The following KAZN variants were observed in gnomAD, a reference collection of about 807,000 sequenced individuals.
KAZN encodes kazrin, periplakin interacting protein.
In KAZN, 40 loss-of-function variants were observed where a neutral mutation model predicts 87.4. The observed-to-expected ratio is 0.46, with a 90% CI of 0.36 to 0.60. The LOEUF (loss-of-function observed/expected upper bound fraction) is 0.60, where lower values mean the gene tolerates loss of function less well. Among genes scored for constraint, KAZN ranks in the 20% least tolerant of loss-of-function variants. The probability of loss-of-function intolerance (pLI) is 0.00; values close to 1 mark genes in which losing one functional copy is unlikely to be tolerated. For missense variants in KAZN, 898 were observed against 1,073.9 expected (o/e 0.84, Z 2.29); for synonymous variants, 466 against 458.3 (o/e 1.02, Z -0.22).
At chr1:14,185,497 CT>C (rs1206288531) in intron 2 of KAZN, among the ~76,000 whole-genome samples, 1 of 152,188 alleles carries the variant, frequency 6.6e-6, no homozygotes, top group Non-Finnish European at 1.5e-5. Flanking sequence ...ATTACGCATC[CT>C]TTCCTGCGAG....
intron 2 of KAZN, among the ~76,000 whole-genome samples, chr1:15,007,805 C>T (rs1377643615): frequency 6.6e-6 from 1 of 152,214 alleles, no homozygotes; most frequent in Non-Finnish European, 1.5e-5. Context: ...ACCTGAATGC[C>T]ACCGCCCATT....
At chr1:14,195,508 G>A (rs1424508940) in intron 2 of KAZN, among the ~76,000 whole-genome samples, 5 of 54,050 alleles carry the variant, frequency 9.3e-5, no homozygotes, top group Admixed American at 2.5e-4. Context: ...TTACAAAAAC[G>A]GCTCACACAC....
chr1:14,983,201 T>C, intron 2 of KAZN, among the ~76,000 whole-genome samples: 1 of 152,114 alleles, frequency 6.6e-6, no homozygotes, highest in East Asian at 1.9e-4. Flanking sequence ...CTGCCTGCAT[T>C]GTTCACACCA....
exon 1 of KAZN, chr1:13,893,661 G>A (rs981499152): frequency 1.1e-5 from 17 of 1,550,278 alleles, no homozygotes; most frequent in Non-Finnish European, 1.5e-5. Flanking sequence ...GACCCCAAAA[G>A]AGCCATGGAA....
chr1:14,695,631 G>A (rs931662744), intron 1 of KAZN, among the ~76,000 whole-genome samples: 12 of 150,996 alleles, frequency 7.9e-5, no homozygotes, highest in African/African-American at 2.4e-4. Context: ...TCAGCCTCTC[G>A]AGTAGCTGGG....
chr1:14,961,046 T>C (rs907188128), intron 2 of KAZN, among the ~76,000 whole-genome samples, 171 bp downstream of exon 2: 1 of 152,250 alleles, frequency 6.6e-6, no homozygotes, highest in Non-Finnish European at 1.5e-5. Flanking sequence ...TCTTGTGGGC[T>C]GGGTGCAGAT....
At chr1:14,369,375 T>A (rs1012993405) in intron 2 of KAZN, among the ~76,000 whole-genome samples, 38 of 152,352 alleles carry the variant, frequency 2.5e-4, no homozygotes, top group African/African-American at 8.4e-4. Context: ...AGGATGTGCA[T>A]GAGCCTATTG....
At chr1:14,348,711 G>A (rs1658297616) in intron 2 of KAZN, among the ~76,000 whole-genome samples, 1 of 152,220 alleles carries the variant, frequency 6.6e-6, no homozygotes, top group Non-Finnish European at 1.5e-5. Flanking sequence ...AATGGTGTGT[G>A]TACAAAGATT....
chr1:14,539,881 T>A (rs1012433437), intron 2 of KAZN, among the ~76,000 whole-genome samples: 1 of 152,222 alleles, frequency 6.6e-6, no homozygotes, highest in Admixed American at 6.5e-5. Flanking sequence ...AAAGTCACCA[T>A]CCCAATTAAG....
rs1218093207 is a variant in KAZN at position 14,904,289 on chromosome 1, A to G, written c.227-56395A>G. Among the ~76,000 whole-genome samples, 9 of 143,416 alleles carry G rather than the reference A, an allele frequency of 6.3e-5. No homozygotes were observed. The Admixed American group carries it at 6.6e-4, about 10-fold the overall frequency. 94.1% of individuals were successfully genotyped at this position (143,416 alleles called of 152,430 possible). A position where few individuals can be genotyped will look rare whatever the true frequency, so the allele number is the denominator to read the frequency against. ...CACTGCAGTCCGGCCTGGGCGAAAG[A>G]GCGAGACTCCGTCTCAAAAGAAAAA... On this transcript the variant is annotated intron_variant, in intron 1 of 14. Coordinates refer to ENST00000376030, the MANE Select transcript of KAZN (RefSeq NM_201628.3).
intron 2 of KAZN, among the ~76,000 whole-genome samples, chr1:14,199,075 A>G (rs571197062): frequency 7.9e-5 from 12 of 152,206 alleles, no homozygotes; most frequent in Non-Finnish European, 1.3e-4. Context: ...TAAGAAATGC[A>G]TTAAAAATGA....
At chr1:14,865,834 ATACAC>A (rs1651391212) in intron 1 of KAZN, among the ~76,000 whole-genome samples, 1 of 152,188 alleles carries the variant, frequency 6.6e-6, no homozygotes, top group Non-Finnish European at 1.5e-5. Flanking sequence ...GGCCACGTGG[ATACAC>A]AGGGAGGAGG....
chr1:14,279,235 G>A (rs1436856110), intron 2 of KAZN, among the ~76,000 whole-genome samples: 2 of 152,170 alleles, frequency 1.3e-5, no homozygotes, highest in African/African-American at 4.8e-5. Flanking sequence ...AGTTAAGCAT[G>A]CCCAATCCTT....
rs182932463 is a variant in KAZN at position 14,872,849 on chromosome 1, C to T, written c.227-87835C>T. On this transcript the variant is annotated intron_variant, in intron 1 of 14. Transcript: ENST00000376030. ...AAGGACAAATGGATGGATGTACAGACGGATACATAGATGAATAGATGGGTG... is the reference window on the plus strand; with the variant it reads ...AAGGACAAATGGATGGATGTACAGATGGATACATAGATGAATAGATGGGTG... Among the ~76,000 whole-genome samples, 15 of 147,674 alleles carry T rather than the reference C, an allele frequency of 1.0e-4. 1 individual carries two copies. The highest frequency in any genetic ancestry group is 2.7e-4 in the Admixed American group (4 of 14,840).
chr1:14,601,852 T>G (rs765396871), intron 1 of KAZN, among the ~76,000 whole-genome samples: 2 of 152,230 alleles, frequency 1.3e-5, no homozygotes, highest in African/African-American at 4.8e-5. Context: ...AATGCAACCG[T>G]GTAAGTCATC....
intron 2 of KAZN, among the ~76,000 whole-genome samples, chr1:14,548,077 CATA>C (rs1353871461): frequency 6.6e-6 from 1 of 151,142 alleles, no homozygotes; most frequent in East Asian, 1.9e-4. Context: ...AAAAAGATTT[CATA>C]ATGTTTTAAG....
At chr1:14,226,185 A>G (rs1349704853) in intron 2 of KAZN, among the ~76,000 whole-genome samples, 2 of 152,208 alleles carry the variant, frequency 1.3e-5, no homozygotes, top group Non-Finnish European at 2.9e-5. Flanking sequence ...TCCAGAATCT[A>G]TAAGGAACTT....
intron 1 of KAZN, among the ~76,000 whole-genome samples, chr1:14,681,696 A>T (rs1640665390): frequency 3.6e-5 from 2 of 55,480 alleles, no homozygotes; most frequent in East Asian, 1.2e-3. Context: ...TTTTTTTTTG[A>T]GACGGAGTCT....
intron 2 of KAZN, among the ~76,000 whole-genome samples, chr1:14,988,228 C>T (rs1667014646): frequency 6.6e-6 from 1 of 152,230 alleles, no homozygotes; most frequent in African/African-American, 2.4e-5. Context: ...CATTTGGTCT[C>T]ATGCCCCTAC....
Sources: gnomAD v4.1 joint callset for allele counts (sites outside exome capture counted in the v4.1 genomes callset) on GRCh38, gnomAD v4.1.1 for gene constraint, MANE v1.5 for transcripts, NCBI Gene and HGNC (gene_info 2026-07-23, HGNC 2026-07-21) for gene names.